Variants in KATNIP observed in about 807,000 individuals in gnomAD.
The protein encoded by KATNIP is katanin-interacting protein.
In KATNIP, 126 loss-of-function variants were observed where a neutral mutation model predicts 174.0. The observed-to-expected ratio is 0.72, with a 90% confidence interval of 0.63 to 0.84. KATNIP has a LOEUF of 0.84. Ranked by LOEUF, KATNIP falls within the 40% of genes least tolerant of loss-of-function variation. The probability of loss-of-function intolerance (pLI) is 0.00; values close to 1 mark genes in which losing one functional copy is unlikely to be tolerated. For synonymous variants in KATNIP, 810 were observed against 835.7 expected (o/e 0.97, Z 0.53); for missense variants, 1,958 against 2,109.7 (o/e 0.93, Z 1.41).
At chr16:27,701,796 C>G (rs2079109298) in intron 11 of KATNIP, 101 bp downstream of exon 11, 2 of 792,458 alleles carry the variant, frequency 2.5e-6, no homozygotes, top group African/African-American at 1.7e-5. Context: ...TTTTTCAGAC[C>G]CCTTATTTCT....
rs2082489975 is a variant in KATNIP at position 27,776,133 on chromosome 16, C to T, written c.4450-795C>T. On this transcript the variant is annotated intron_variant, in intron 24 of 27. Coordinates refer to ENST00000261588, the MANE Select transcript of KATNIP (RefSeq NM_015202.5). The surrounding 1 kb of genome is among the most constrained non-coding windows in gnomAD (Gnocchi z 4.7). ...AGGCAACTGAGTTTGGAGACCCTCACCCTGACCTTTATTGTTTCCATGGTC... is the reference window on the plus strand; with the variant it reads ...AGGCAACTGAGTTTGGAGACCCTCATCCTGACCTTTATTGTTTCCATGGTC... Among the ~76,000 whole-genome samples the T allele has an allele frequency of 6.6e-6, 1 of 152,168 alleles. No individual in the cohort carries two copies. Among genetic ancestry groups the T allele is most frequent in the African/African-American group, 2.4e-5 (1 of 41,448 alleles).
At chr16:27,722,662 T>C (rs570860879) in intron 14 of KATNIP, among the ~76,000 whole-genome samples, 2 of 152,326 alleles carry the variant, frequency 1.3e-5, no homozygotes, top group African/African-American at 4.8e-5. Flanking sequence ...GAATGGAGCC[T>C]CACCTTCAGT....
At position 27,703,946 on chromosome 16, in the gene KATNIP, C is replaced by T; in HGVS notation, c.1337C>T (p.Ala446Val). 1 of 1,614,230 alleles carries T rather than the reference C, an allele frequency of 6.2e-7. No homozygotes were observed. Among genetic ancestry groups the T allele is most frequent in the Non-Finnish European group, 8.5e-7 (1 of 1,180,038 alleles). The stretch of plus-strand genomic sequence containing the variant: ...CTCCAGGCCGTCGAAAGTGACTCTG[C>T]CCATCTCGGCAGGGTGGTTTCACCA... ...KVLQAVESDS[A>V]HLGRVVSPTK... Residue 446 changes from alanine to valine, a missense_variant, in exon 12 of 28, where the codon GCC becomes GTC. Ala to Val is a moderately conservative substitution (Grantham distance 64). Around this residue, in one of 3 missense-constraint regions of KATNIP, gnomAD observed 1,557 missense variants for 1,617.8 expected, o/e 0.96. Coordinates refer to ENST00000261588, the MANE Select transcript of KATNIP (RefSeq NM_015202.5).
intron 2 of KATNIP, among the ~76,000 whole-genome samples, chr16:27,609,135 C>T (rs1213950599): frequency 6.6e-6 from 1 of 152,162 alleles, no homozygotes; most frequent in South Asian, 2.1e-4. Flanking sequence ...TGGATTCATT[C>T]ACTCAACAAT....
At chr16:27,590,706 C>A (rs1482058701) in intron 2 of KATNIP, among the ~76,000 whole-genome samples, 1 of 152,338 alleles carries the variant, frequency 6.6e-6, no homozygotes. Context: ...ATCTCTTTGA[C>A]CCTTGGCCTG....
intron 13 of KATNIP, among the ~76,000 whole-genome samples, chr16:27,720,287 C>T (rs2080164482): frequency 6.6e-6 from 1 of 151,984 alleles, no homozygotes; most frequent in East Asian, 1.9e-4. Context: ...GACAGGGTTT[C>T]TCTGTGTTGG....
In KATNIP at chr16:27,701,555, G is replaced by C. The variant is rs774933694; in HGVS notation, c.1180-34G>C. On this transcript the variant is annotated intron_variant, in intron 10 of 27. Transcript: ENST00000261588. ...GTGTCTTAGGCCAGGAGTGTTGCCT[G>C]AGACATCTGTTTAATAAGCCTTTCC... The C allele has an allele frequency of 4.2e-5, 63 of 1,508,386 alleles. 1 individual carries two copies. In the South Asian group the frequency reaches 6.8e-4, roughly 16 times the overall value. 93.4% of individuals were successfully genotyped at this position (1,508,386 alleles called of 1,614,324 possible). A position where few individuals can be genotyped will look rare whatever the true frequency, so the allele number is the denominator to read the frequency against.
At chr16:27,656,169 T>C (rs918445564) in intron 6 of KATNIP, among the ~76,000 whole-genome samples, 2 of 152,108 alleles carry the variant, frequency 1.3e-5, no homozygotes, top group African/African-American at 4.8e-5. Context: ...CTGATACCTA[T>C]CATCCCAGCC....
intron 14 of KATNIP, among the ~76,000 whole-genome samples, chr16:27,733,020 A>G (rs1485194700): frequency 6.6e-6 from 1 of 152,198 alleles, no homozygotes; most frequent in Non-Finnish European, 1.5e-5. Flanking sequence ...CCAAGGCTCC[A>G]TTTGCCTTAA....
chr16:27,720,614 G>GA (rs2080185916), intron 13 of KATNIP, among the ~76,000 whole-genome samples: 1 of 150,606 alleles, frequency 6.6e-6, no homozygotes, highest in African/African-American at 2.4e-5. Flanking sequence ...ATGGGGGCCT[G>GA]ACATGGACGT....
intron 1 of KATNIP, among the ~76,000 whole-genome samples, chr16:27,570,596 A>AT (rs2090251879): frequency 6.6e-6 from 1 of 152,136 alleles, no homozygotes; most frequent in Non-Finnish European, 1.5e-5. Flanking sequence ...ATAAATAAAA[A>AT]GGGAAAACTT....
chr16:27,766,691 C>T (rs563604086), intron 20 of KATNIP, among the ~76,000 whole-genome samples: 1 of 152,318 alleles, frequency 6.6e-6, no homozygotes, highest in South Asian at 2.1e-4. Flanking sequence ...AACTGCACAG[C>T]ACCGTTTCTC....
chr16:27,729,046 A>G (rs911391685), intron 14 of KATNIP, among the ~76,000 whole-genome samples: 2 of 152,218 alleles, frequency 1.3e-5, no homozygotes, highest in African/African-American at 4.8e-5. Context: ...TCTCAGTAGC[A>G]GGGCTATTTT....
At chr16:27,720,209 G>A (rs1224753854) in intron 13 of KATNIP, among the ~76,000 whole-genome samples, 4 of 151,968 alleles carry the variant, frequency 2.6e-5, no homozygotes, top group African/African-American at 9.7e-5. Context: ...TCCTGCCTCC[G>A]CCTCCTGAGT....
intron 2 of KATNIP, among the ~76,000 whole-genome samples, chr16:27,596,835 C>T (rs2075352347): frequency 6.6e-6 from 1 of 152,192 alleles, no homozygotes; most frequent in Non-Finnish European, 1.5e-5. Flanking sequence ...CCAGCCTGGG[C>T]AACATGGTGA....
In KATNIP at chr16:27,550,194, C is replaced by T. The variant is rs1401509211; in HGVS notation, c.7+17C>T. 1.4e-5 allele frequency: 23 copies of T among 1,607,616 alleles called. No homozygotes were observed. Among genetic ancestry groups the T allele is most frequent in the Non-Finnish European group, 2.0e-5 (23 of 1,175,444 alleles). On this transcript the variant is annotated intron_variant, in intron 1 of 27. Transcript: ENST00000261588. ...GGATGGACGGTGAGTGTCTGTGGGC[C>T]CCTCCGGGAGGTCGGGCTGTTATTC...
intron 6 of KATNIP, among the ~76,000 whole-genome samples, chr16:27,657,519 G>A (rs571648993): frequency 6.6e-6 from 1 of 151,900 alleles, no homozygotes; most frequent in African/African-American, 2.4e-5. Context: ...CCAAGGTCAG[G>A]AGTTCAAGAC....
chr16:27,740,414 C>T lies in KATNIP; in HGVS notation c.2117C>T (p.Thr706Ile). 6.2e-7 allele frequency: 1 copy of T among 1,614,064 alleles called. No homozygotes were observed. The highest frequency in any genetic ancestry group is 1.7e-5 in the Admixed American group (1 of 60,034). The change falls in exon 15 of 28, where the codon ACT (threonine) becomes ATT (isoleucine). Residue 706 changes from threonine (T) to isoleucine (I), a missense_variant. Coordinates refer to ENST00000261588, the MANE Select transcript of KATNIP (RefSeq NM_015202.5). The part of the protein sequence containing the change: ...EEYLRLSAVP[T>I]SMGDMPSAPA... ...TATTTGAGACTGTCGGCAGTCCCCA[C>T]TTCGATGGGTGACATGCCCAGTGCT...
At chr16:27,600,630 AT>A (rs2075488274) in intron 2 of KATNIP, among the ~76,000 whole-genome samples, 1 of 151,088 alleles carries the variant, frequency 6.6e-6, no homozygotes, top group African/African-American at 2.4e-5. Flanking sequence ...CTCTTTTACA[AT>A]TCGGTGTCTT....
Sources: gnomAD v4.1 joint callset for allele counts (sites outside exome capture counted in the v4.1 genomes callset) on GRCh38, gnomAD v4.1.1 for gene constraint, gnomAD v4.1.1 regional missense constraint, Gnocchi (gnomAD v3.1) non-coding constraint, MANE v1.5 for transcripts, NCBI Gene and HGNC (gene_info 2026-07-23, HGNC 2026-07-21) for gene names.